Variants in TTC28 observed in about 807,000 individuals in gnomAD.
TTC28 encodes the protein tetratricopeptide repeat domain 28.
A neutral mutation model predicts 198.0 loss-of-function variants in TTC28; 61 were observed. That is an observed-to-expected ratio of 0.31 (90% CI 0.25 to 0.38). The LOEUF (loss-of-function observed/expected upper bound fraction) is 0.38. TTC28 is among the 10% of genes least tolerant of loss of function. The probability of loss-of-function intolerance (pLI) is 1.00; values close to 1 mark genes in which losing one functional copy is unlikely to be tolerated. For missense variants in TTC28, 2,678 were observed against 3,164.0 expected (o/e 0.85, Z 3.69); for synonymous variants, 1,171 against 1,297.8 (o/e 0.90, Z 2.10).
At chr22:28,018,266 T>C (rs1938448147) in intron 13 of TTC28, among the ~76,000 whole-genome samples, 1 of 119,812 alleles carries the variant, frequency 8.3e-6, no homozygotes, top group African/African-American at 3.2e-5. Context: ...TGTGTGTGTG[T>C]GTGTGTGTGT....
At chr22:28,513,315 T>C (rs1420432809) in intron 2 of TTC28, among the ~76,000 whole-genome samples, 1 of 152,238 alleles carries the variant, frequency 6.6e-6, no homozygotes, top group Non-Finnish European at 1.5e-5. Context: ...GTCATAGTGA[T>C]AGCTTCAGCC....
intron 1 of TTC28, among the ~76,000 whole-genome samples, chr22:28,637,145 A>T (rs1480799577): frequency 6.6e-6 from 1 of 151,434 alleles, no homozygotes; most frequent in Non-Finnish European, 1.5e-5. Flanking sequence ...AGTAGCTGGG[A>T]CCACAGGCAC....
At chr22:28,250,542 T>C (rs1036558974) in intron 5 of TTC28, among the ~76,000 whole-genome samples, 1 of 152,186 alleles carries the variant, frequency 6.6e-6, no homozygotes, top group African/African-American at 2.4e-5. Flanking sequence ...CTCAAGACCC[T>C]TGTATAAAAT....
chr22:28,630,063 G>A (rs974087668), intron 1 of TTC28, among the ~76,000 whole-genome samples: 4 of 151,920 alleles, frequency 2.6e-5, no homozygotes, highest in South Asian at 2.1e-4. Context: ...AGTGAGAGCC[G>A]GTTGTTAAGA....
At chr22:28,018,413 A>G (rs1938467163) in intron 13 of TTC28, among the ~76,000 whole-genome samples, 1 of 152,192 alleles carries the variant, frequency 6.6e-6, no homozygotes. Flanking sequence ...AAACCAACCA[A>G]CCTGCAACCG....
chr22:28,294,006 ATAT>A (rs560970280), intron 5 of TTC28, among the ~76,000 whole-genome samples: 255 of 152,332 alleles, frequency 1.7e-3, no homozygotes, highest in African/African-American at 5.9e-3. Context: ...TTTGAGGAGA[ATAT>A]TATTAAGCTT....
intron 2 of TTC28, among the ~76,000 whole-genome samples, chr22:28,421,113 C>T (rs1186945205): frequency 6.6e-6 from 1 of 152,132 alleles, no homozygotes; most frequent in African/African-American, 2.4e-5. Context: ...AGACTGATAA[C>T]TAACATGGAC....
chr22:28,225,740 C>T (rs1217447487), intron 5 of TTC28, among the ~76,000 whole-genome samples: 1 of 152,214 alleles, frequency 6.6e-6, no homozygotes, highest in Non-Finnish European at 1.5e-5. Flanking sequence ...ATCCCATCCA[C>T]CAACCAAAAT....
At position 28,321,924 on chromosome 22, in the gene TTC28, C is replaced by T. The variant is rs192102413; in HGVS notation, c.382-15281G>A. The stretch of plus-strand genomic sequence containing the variant: ...TTGGCTCACTGCCACCTCCACCTCC[C>T]GGGTTCAAGCGATTCTCCTGCCTCA... On this transcript the variant is annotated intron_variant, in intron 2 of 22. Coordinates refer to ENST00000397906, the MANE Select transcript of TTC28 (RefSeq NM_001145418.2). Among the ~76,000 whole-genome samples, 18 of 152,216 alleles carry T rather than the reference C, an allele frequency of 1.2e-4. No homozygotes were observed. The East Asian group carries it at 2.7e-3, about 23-fold the overall frequency.
intron 5 of TTC28, among the ~76,000 whole-genome samples, chr22:28,251,300 A>G (rs888911669): frequency 5.9e-5 from 9 of 152,210 alleles, no homozygotes; most frequent in Non-Finnish European, 1.3e-4. Flanking sequence ...AGTCAGCCAA[A>G]TCATACTCAC....
intron 2 of TTC28, among the ~76,000 whole-genome samples, chr22:28,545,318 C>A (rs2049515228): frequency 6.6e-6 from 1 of 152,054 alleles, no homozygotes; most frequent in Non-Finnish European, 1.5e-5. Context: ...ACCTATAATC[C>A]TAGCAATTTG....
chr22:28,523,698 T>G (rs1321190179), intron 2 of TTC28, among the ~76,000 whole-genome samples: 3 of 152,198 alleles, frequency 2.0e-5, no homozygotes, highest in African/African-American at 7.2e-5. Context: ...AAGTTATTTT[T>G]TCATGCACAC....
intron 1 of TTC28, among the ~76,000 whole-genome samples, chr22:28,655,720 G>A (rs986128474): frequency 6.6e-6 from 1 of 152,036 alleles, no homozygotes; most frequent in Non-Finnish European, 1.5e-5. Flanking sequence ...GCGCCGTGGC[G>A]GGCGCCTGTA....
intron 2 of TTC28, among the ~76,000 whole-genome samples, chr22:28,311,489 A>G (rs964348195): frequency 1.3e-5 from 2 of 152,218 alleles, no homozygotes; most frequent in Non-Finnish European, 2.9e-5. Context: ...GTTTTAAAAG[A>G]AAAACTGATT....
At chr22:28,087,889 T>A (rs1376857476) in intron 12 of TTC28, among the ~76,000 whole-genome samples, 1 of 152,090 alleles carries the variant, frequency 6.6e-6, no homozygotes, top group East Asian at 1.9e-4. Flanking sequence ...GAGAGCCAAA[T>A]CATGAGTGAA....
chr22:28,657,434 T>G (rs1212184125), intron 1 of TTC28, among the ~76,000 whole-genome samples: 1 of 152,334 alleles, frequency 6.6e-6, no homozygotes, highest in East Asian at 1.9e-4. Context: ...AACACATTTC[T>G]GGTACCCTAA....
At chr22:28,418,349 T>C (rs1386478329) in intron 2 of TTC28, among the ~76,000 whole-genome samples, 3 of 152,212 alleles carry the variant, frequency 2.0e-5, no homozygotes, top group African/African-American at 7.2e-5. Context: ...TTGAACTGCT[T>C]AGAACTTCAA....
chr22:28,177,689 A>G (rs910520526), intron 5 of TTC28, among the ~76,000 whole-genome samples: 1 of 152,266 alleles, frequency 6.6e-6, no homozygotes, highest in Non-Finnish European at 1.5e-5. Flanking sequence ...ACAATGGTCT[A>G]TCAAGCTGTG....
intron 5 of TTC28, among the ~76,000 whole-genome samples, chr22:28,206,607 T>C (rs1601474356): frequency 1.3e-5 from 2 of 152,248 alleles, no homozygotes; most frequent in Middle Eastern, 3.4e-3. Flanking sequence ...GAGCTCTGAT[T>C]AGTATTTTAT....
Sources: allele counts gnomAD v4.1 joint callset (sites outside exome capture counted in the v4.1 genomes callset), GRCh38; gene constraint gnomAD v4.1.1; transcripts MANE v1.5; gene names NCBI Gene and HGNC (gene_info 2026-07-23, HGNC 2026-07-21).